The following ERV3-1 variants were observed in gnomAD, a reference collection of about 807,000 sequenced individuals.
ERV3-1 encodes the protein endogenous retrovirus group 3 member 1 Env polyprotein.
ERV3-1 carries 36 observed loss-of-function variants against 24.6 expected under a neutral mutation model. The observed-to-expected ratio is 1.47, with a 90% confidence interval of 1.12 to 1.94. ERV3-1 has a LOEUF of 1.94. Ranked by LOEUF, ERV3-1 falls within the 30% of genes most tolerant of loss-of-function variation. The probability of loss-of-function intolerance (pLI) is 0.00; values close to 1 mark genes in which losing one functional copy is unlikely to be tolerated. For synonymous variants in ERV3-1, 211 were observed against 122.6 expected, an observed-to-expected ratio of 1.72 and a Z score of -4.76; for missense variants, 578 against 330.9, an observed-to-expected ratio of 1.75 and a Z score of -5.79.
At chr7:65,006,393 G>T in intron 1 of ERV3-1, 148 bp downstream of exon 1, 1 of 1,318,154 alleles carries the variant, frequency 7.6e-7, no homozygotes, top group South Asian at 1.2e-5. Context: ...GGCTGAAGGG[G>T]ACTGAGGGCC....
At chr7:65,001,201 G>A (rs1396129751) in intron 1 of ERV3-1, among the ~76,000 whole-genome samples, 2 of 152,154 alleles carry the variant, frequency 1.3e-5, no homozygotes. Flanking sequence ...AAAATTCGTG[G>A]GTGGGGGATA....
In ERV3-1 at chr7:64,992,802, C is replaced by G. The variant is rs1460277146; in HGVS notation, c.225G>C (p.Arg75Ser). 9.1e-6 allele frequency: 7 copies of G among 766,292 alleles called. No homozygotes were observed. The highest frequency in any genetic ancestry group is 1.4e-5 in the Non-Finnish European group (6 of 417,912). 47.5% of individuals were successfully genotyped at this position (766,292 alleles called of 1,614,324 possible). A position where few individuals can be genotyped will look rare whatever the true frequency, so the allele number is the denominator to read the frequency against. ...QTTYSVCDPGRGQPYVCYDPK... is the reference protein window; with the variant it reads ...QTTYSVCDPGSGQPYVCYDPK... ...GGTCATAACACACATAAGGCTGGCCCCTTCCTGGGTCACAGACTGAGTAGG... is the reference window on the plus strand; with the variant it reads ...GGTCATAACACACATAAGGCTGGCCGCTTCCTGGGTCACAGACTGAGTAGG... The change falls in exon 2 of 2, where the codon AGG becomes AGC. Residue 75 changes from arginine to serine, a missense_variant. Transcript: ENST00000394323.
At chr7:64,998,221 A>G (rs1305954141) in intron 1 of ERV3-1, among the ~76,000 whole-genome samples, 1 of 152,134 alleles carries the variant, frequency 6.6e-6, no homozygotes, top group East Asian at 1.9e-4. Flanking sequence ...TTGTCTCTGT[A>G]GCTGACAGTG....
At chr7:65,006,394 A>C in intron 1 of ERV3-1, 147 bp downstream of exon 1, 1 of 1,320,418 alleles carries the variant, frequency 7.6e-7, no homozygotes, top group Non-Finnish European at 1.1e-6. Context: ...GCTGAAGGGG[A>C]CTGAGGGCCG....
Position 65,006,551 on chromosome 7 carries a change from C to T in ERV3-1, c.-399G>A, listed in dbSNP as rs1410085085. On this transcript the variant is annotated 5_prime_UTR_variant, in exon 1 of 2. Coordinates refer to ENST00000394323, the MANE Select transcript of ERV3-1 (RefSeq NM_001007253.4). ...ACCCGGCACTCTCACCATTTCTAGG[C>T]TTCCAGTGGGTCCTGGCGTCTTAGC... 1.3e-6 allele frequency: 2 copies of T among 1,576,956 alleles called. No individual in the cohort carries two copies. The highest frequency in any genetic ancestry group is 1.7e-6 in the Non-Finnish European group (2 of 1,148,006).
In ERV3-1 at chr7:64,992,539, G is replaced by T. The variant is rs746909383; in HGVS notation, c.488C>A (p.Thr163Lys). The T allele has an allele frequency of 1.3e-5, 10 of 766,242 alleles. No individual in the cohort carries two copies. Among genetic ancestry groups the T allele is most frequent in the East Asian group, 1.2e-4 (5 of 41,244 alleles). 47.5% of individuals were successfully genotyped at this position (766,242 alleles called of 1,614,324 possible). A position where few individuals can be genotyped will look rare whatever the true frequency, so the allele number is the denominator to read the frequency against. ...HPACSTDSPV[T>K]TCWDCTTWST... is the part of the protein sequence containing the mutation. ...CCACGTTGTGCAGTCCCAGCAAGTT[G>T]TTACTGGGGAATCGGTGGAACAAGC... is the stretch of plus-strand genomic sequence containing the variant. The change falls in exon 2 of 2, where the codon ACA (threonine) becomes AAA (lysine). Residue 163 changes from threonine (T) to lysine (K), a missense_variant. Transcript: ENST00000394323.
In ERV3-1 at chr7:64,991,293, A is replaced by G. The variant is rs1786258501; in HGVS notation, c.1734T>C (p.Asp578=). 1 of 719,388 alleles carries G rather than the reference A, an allele frequency of 1.4e-6. No homozygotes were observed. The highest frequency in any genetic ancestry group is 1.7e-5 in the African/African-American group (1 of 58,348). 44.6% of individuals were successfully genotyped at this position (719,388 alleles called of 1,614,324 possible). The change falls in exon 2 of 2, where the codon GAT becomes GAC. Residue 578 remains aspartate, a synonymous_variant. Transcript: ENST00000394323. ...FNLTNCCLEL[D]DEGKVIKEIT... ...TTTCTTTGATGACCTTTCCTTCGTC[A>G]TCAAGTTCCAGGCAGCAGTTAGTAA...
chr7:64,995,204 AT>A (rs1228315728), intron 1 of ERV3-1, among the ~76,000 whole-genome samples: 1 of 152,218 alleles, frequency 6.6e-6, no homozygotes, highest in Non-Finnish European at 1.5e-5. Flanking sequence ...TGGATGGTCA[AT>A]TGTTGCCCCA....
chr7:65,004,581 C>T (rs1786596880), intron 1 of ERV3-1: 1 of 152,132 alleles, frequency 6.6e-6, no homozygotes, highest in South Asian at 2.1e-4. Flanking sequence ...TTAAGCCCTA[C>T]TAATAAAATG....
chr7:65,006,563 C>T lies in ERV3-1; in HGVS notation c.-411G>A. On this transcript the variant is annotated 5_prime_UTR_variant, in exon 1 of 2. Coordinates refer to ENST00000394323, the MANE Select transcript of ERV3-1 (RefSeq NM_001007253.4). ...CACCATTTCTAGGCTTCCAGTGGGT[C>T]CTGGCGTCTTAGCTGTGGATCTCCC... 2.5e-6 allele frequency: 4 copies of T among 1,576,178 alleles called. No homozygotes were observed. Among genetic ancestry groups the T allele is most frequent in the Non-Finnish European group, 3.5e-6 (4 of 1,147,166 alleles).
Position 64,992,526 on chromosome 7 carries a change from G to C in ERV3-1, c.501C>G (p.Asp167Glu), listed in dbSNP as rs554302965. 1.3e-6 allele frequency: 1 copy of C among 766,400 alleles called. No homozygotes were observed. The highest frequency in any genetic ancestry group is 1.3e-5 in the South Asian group (1 of 74,616). 47.5% of individuals were successfully genotyped at this position (766,400 alleles called of 1,614,324 possible). Residue 167 changes from aspartate to glutamate, a missense_variant, in exon 2 of 2, where the codon GAC becomes GAG. By Grantham distance (45) the Asp-to-Glu change is conservative. Coordinates refer to ENST00000394323, the MANE Select transcript of ERV3-1 (RefSeq NM_001007253.4). The part of the protein sequence containing the change: ...STDSPVTTCW[D>E]CTTWSTNQQS... Reference sequence around the variant, plus strand: ...GTTGGTTAGTGGACCACGTTGTGCAGTCCCAGCAAGTTGTTACTGGGGAAT... The same window carrying C: ...GTTGGTTAGTGGACCACGTTGTGCACTCCCAGCAAGTTGTTACTGGGGAAT...
Position 64,992,619 on chromosome 7 carries a change from G to A in ERV3-1, c.408C>T (p.Ile136=), listed in dbSNP as rs748022600. 6.5e-6 allele frequency: 5 copies of A among 766,378 alleles called. No individual in the cohort carries two copies. The highest frequency in any genetic ancestry group is 7.2e-6 in the Non-Finnish European group (3 of 417,900). The allele number at this position is 766,378 out of a possible 1,614,324, so 47.5% of individuals were successfully genotyped here. A position where few individuals can be genotyped will look rare whatever the true frequency, so the allele number is the denominator to read the frequency against. Residue 136 remains isoleucine (I), a synonymous_variant, in exon 2 of 2, where the codon ATC becomes ATT. Transcript: ENST00000394323. The part of the protein sequence containing the change: ...IVSMGSLFPV[I]FSSMEYYSSC... ...TACTATAGTACTCCATGGAACTGAAGATTACGGGAAAGAGTGAGCCCATGG... is the reference window on the plus strand; with the variant it reads ...TACTATAGTACTCCATGGAACTGAAAATTACGGGAAAGAGTGAGCCCATGG...
Position 64,991,807 on chromosome 7 carries a change from G to A in ERV3-1, c.1220C>T (p.Ala407Val), listed in dbSNP as rs769601873. The A allele has an allele frequency of 1.0e-5, 8 of 766,258 alleles. No individual in the cohort carries two copies. In the East Asian group the frequency reaches 1.7e-4, roughly 16 times the overall value. The allele number at this position is 766,258 out of a possible 1,614,324, so 47.5% of individuals were successfully genotyped here. A position where few individuals can be genotyped will look rare whatever the true frequency, so the allele number is the denominator to read the frequency against. ...AGAGGGTGCCTGCCAGGTATTTGGA[G>A]CTTCAAGTTGGTACCAAGAATGGTT... ...SLNHSWYQLEAPNTWQAPSGL... is the reference protein window; with the variant it reads ...SLNHSWYQLEVPNTWQAPSGL... The change falls in exon 2 of 2, where the codon GCT (alanine) becomes GTT (valine). Residue 407 changes from alanine to valine, a missense_variant. Ala to Val is a moderately conservative substitution (Grantham distance 64). Transcript: ENST00000394323.
At position 64,997,337 on chromosome 7, in the gene ERV3-1, T is replaced by G. The variant is rs1453111116; in HGVS notation, c.-388-3923A>C. On this transcript the variant is annotated intron_variant, in intron 1 of 1. Coordinates refer to ENST00000394323, the MANE Select transcript of ERV3-1 (RefSeq NM_001007253.4). ...CACTCTAGCTTTTGCAGCTTTCGCC[T>G]GATGTCTCCCTGGGCCTGTCCTACA... Among the ~76,000 whole-genome samples the G allele has an allele frequency of 3.9e-5, 6 of 152,350 alleles. No individual in the cohort carries two copies. In the South Asian group the frequency reaches 1.0e-3, roughly 26 times the overall value.
Position 65,006,604 on chromosome 7 carries a change from C to T in ERV3-1, c.-452G>A. 2 of 1,566,180 alleles carry T rather than the reference C, an allele frequency of 1.3e-6. No individual in the cohort carries two copies. The highest frequency in any genetic ancestry group is 1.8e-6 in the Non-Finnish European group (2 of 1,138,274). ...TGGATCTCCCAATACCTGCAGGTAA[C>T]GAGGCCACAGAAGCTGGGCCTCTAG... is the stretch of plus-strand genomic sequence containing the variant. On this transcript the variant is annotated 5_prime_UTR_variant, in exon 1 of 2. Transcript: ENST00000394323.
chr7:65,006,272 G>A (rs1786647046), intron 1 of ERV3-1: 1 of 540,252 alleles, frequency 1.9e-6, no homozygotes, highest in Non-Finnish European at 3.3e-6. Context: ...GGAGAGCTGC[G>A]GCAGTGGGGG....
At chr7:65,006,457 G>A (rs932958590) in intron 1 of ERV3-1, 84 bp downstream of exon 1, 8 of 1,537,246 alleles carry the variant, frequency 5.2e-6, no homozygotes, top group South Asian at 1.1e-5. Context: ...GCTGCGGGGA[G>A]GCCAGAGTCC....
At chr7:64,998,780 C>T (rs982666123) in intron 1 of ERV3-1, among the ~76,000 whole-genome samples, 6 of 152,068 alleles carry the variant, frequency 3.9e-5, no homozygotes, top group Admixed American at 1.3e-4. Context: ...ATGCCGTAGC[C>T]CCAAAGGATG....
In ERV3-1 at chr7:64,993,047, TG is replaced by T; in HGVS notation, c.-22del. ...AGCATGGACAGAAAAGGCTTTTTCC[TG>T]GGGGGAGAAGGCTAAGCAAAGTGAC... is the stretch of plus-strand genomic sequence containing the variant. On this transcript the variant is annotated 5_prime_UTR_variant, in exon 2 of 2. Coordinates refer to ENST00000394323, the MANE Select transcript of ERV3-1 (RefSeq NM_001007253.4). The T allele has an allele frequency of 1.4e-6, 1 of 719,584 alleles. No individual in the cohort carries two copies. The highest frequency in any genetic ancestry group is 2.6e-6 in the Non-Finnish European group (1 of 390,898). The allele number at this position is 719,584 out of a possible 1,614,324, so 44.6% of individuals were successfully genotyped here.
Sources: gnomAD v4.1 joint callset for allele counts (sites outside exome capture counted in the v4.1 genomes callset) on GRCh38, gnomAD v4.1.1 for gene constraint, MANE v1.5 for transcripts, NCBI Gene and HGNC (gene_info 2026-07-23, HGNC 2026-07-21) for gene names.